DNAJB1: variants seen among roughly 807,000 people sequenced by gnomAD.
The protein encoded by DNAJB1 is DnaJ heat shock protein family (Hsp40) member B1.
In DNAJB1, 14 loss-of-function variants were observed where a neutral mutation model predicts 24.0. The ratio of observed to expected loss-of-function variants is 0.58; its 90% CI spans 0.39 to 0.91. DNAJB1 has a LOEUF of 0.91. DNAJB1 is among the 40% of genes least tolerant of loss of function. DNAJB1 has a pLI of 0.00. For synonymous variants in DNAJB1, 262 were observed against 174.4 expected (o/e 1.50, Z -3.96); for missense variants, 517 against 458.1 (o/e 1.13, Z -1.17).
chr19:14,529,300 C>A (rs1157636327), exon 1 of DNAJB1: 2 of 388,728 alleles, frequency 5.1e-6, no homozygotes, highest in Non-Finnish European at 9.8e-6. Context: ...TCTGGCCTAA[C>A]CGTCGCTTAC....
At chr19:14,553,196 G>A (rs1358467239), upstream of DNAJB1, among the ~76,000 whole-genome samples, 4 of 152,124 alleles carry the variant, frequency 2.6e-5, no homozygotes, top group Non-Finnish European at 5.9e-5. Flanking sequence ...TGCTCGCTCG[G>A]GGCTCTGCTG....
upstream of DNAJB1, among the ~76,000 whole-genome samples, chr19:14,551,491 T>C (rs1301854160): frequency 6.6e-6 from 1 of 152,102 alleles, no homozygotes; most frequent in African/African-American, 2.4e-5. Flanking sequence ...CATTTACTAG[T>C]TGGAGAAGCA....
In DNAJB1 at chr19:14,549,942, C is replaced by CA. The variant is rs908988580; in HGVS notation, c.-214+265dup. ...TGGGCAACACAGTGAGACTCTGTCT[C>CA]AAAAAAAAAAATAAAAAAAATAAAC... On this transcript the variant is annotated intron_variant, in intron 1 of 3. Coordinates refer to the DNAJB1 transcript ENST00000676982. Among the ~76,000 whole-genome samples, 132 of 144,428 alleles carry CA rather than the reference C, an allele frequency of 9.1e-4. 1 individual carries two copies. Among genetic ancestry groups the CA allele is most frequent in the African/African-American group, 1.5e-3 (59 of 39,242 alleles). The allele number at this position is 144,428 out of a possible 152,430, so 94.8% of individuals were successfully genotyped here.
Position 14,517,980 on chromosome 19 carries a change from C to G in DNAJB1, c.211+159G>C, listed in dbSNP as rs2072304281. ...AAGGCTCCTCCTCCCACCGCGCGGC[C>G]GCCAATCCGAGGGCGGAGGCCCGCG... On this transcript the variant is annotated intron_variant, in intron 1 of 2. Transcript: ENST00000254322. 1.1e-5 allele frequency: 8 copies of G among 752,436 alleles called. 1 individual carries two copies. The South Asian group carries it at 2.3e-4, about 22-fold the overall frequency. 46.6% of individuals were successfully genotyped at this position (752,436 alleles called of 1,614,324 possible). A position where few individuals can be genotyped will look rare whatever the true frequency, so the allele number is the denominator to read the frequency against.
At chr19:14,559,331 C>T (rs2073837407) in intron 1 of DNAJB1, among the ~76,000 whole-genome samples, 1 of 152,064 alleles carries the variant, frequency 6.6e-6, no homozygotes, top group Admixed American at 6.6e-5. Context: ...GCAGCAGCCA[C>T]TCCCCATTCC....
Position 14,516,700 on chromosome 19 carries a change from G to A in DNAJB1, c.558C>T (p.Ser186=), listed in dbSNP as rs764358261. 6.2e-7 allele frequency: 1 copy of A among 1,614,138 alleles called. No homozygotes were observed. Among genetic ancestry groups the A allele is most frequent in the East Asian group, 2.2e-5 (1 of 44,888 alleles). ...YSGCTKKMKI[S]HKRLNPDGKS... ...TTCCGTCGGGGTTTAGCCGCTTGTG[G>A]GAGATTTTCATCTTCTTGGTACAGC... The change falls in exon 2 of 3, where the codon TCC becomes TCT. Residue 186 remains serine, a synonymous_variant. Coordinates refer to ENST00000254322, the MANE Select transcript of DNAJB1 (RefSeq NM_006145.3).
intron 1 of DNAJB1, among the ~76,000 whole-genome samples, chr19:14,537,785 C>T (rs1009104399): frequency 7.3e-6 from 1 of 136,232 alleles, no homozygotes; most frequent in Non-Finnish European, 1.5e-5. Context: ...TCGCTCTTGT[C>T]CCCTAGGCTG....
intron 1 of DNAJB1, among the ~76,000 whole-genome samples, chr19:14,542,326 A>G (rs1184020997): frequency 7.9e-6 from 1 of 126,372 alleles, no homozygotes; most frequent in Non-Finnish European, 1.6e-5. Flanking sequence ...TTAAGTCCTC[A>G]GGGGGCCCTC....
At chr19:14,523,714 T>C (rs1314315510) in intron 2 of DNAJB1, among the ~76,000 whole-genome samples, 3 of 150,580 alleles carry the variant, frequency 2.0e-5, no homozygotes, top group African/African-American at 7.4e-5. Flanking sequence ...ACCTCCCAGG[T>C]TCAAATGATC....
intron 1 of DNAJB1, among the ~76,000 whole-genome samples, chr19:14,547,779 T>C (rs77300784): frequency 0.19 from 28,924 of 151,564 alleles, 3,266 homozygotes; most frequent in South Asian, 0.4. Context: ...TTGCCTTAGC[T>C]TCCTGATTAT....
At chr19:14,535,432 G>GGGA (rs2072827376) in intron 1 of DNAJB1, among the ~76,000 whole-genome samples, 1 of 137,926 alleles carries the variant, frequency 7.3e-6, no homozygotes, top group African/African-American at 2.7e-5. Flanking sequence ...GGCTTGACCC[G>GGGA]GGAGGCGGAG....
chr19:14,555,499 G>T (rs1318312770), intron 1 of DNAJB1, among the ~76,000 whole-genome samples: 1 of 139,446 alleles, frequency 7.2e-6, no homozygotes, highest in East Asian at 2.1e-4. Context: ...AGGCTGGAGT[G>T]CAGTGGTGCA....
At chr19:14,540,647 C>G (rs1010902433) in intron 1 of DNAJB1, among the ~76,000 whole-genome samples, 2 of 152,132 alleles carry the variant, frequency 1.3e-5, no homozygotes. Flanking sequence ...CTGCCTGGGC[C>G]TCCCAAAGTG....
chr19:14,521,491 A>ATAATAAT, upstream of DNAJB1, among the ~76,000 whole-genome samples: 1 of 150,598 alleles, frequency 6.6e-6, no homozygotes. Flanking sequence ...AATAATAATA[A>ATAATAAT]AAGTTTCTTG....
intron 1 of DNAJB1, chr19:14,517,413 C>A (rs769473546): frequency 3.4e-5 from 7 of 203,528 alleles, no homozygotes; most frequent in African/African-American, 7.0e-5. Flanking sequence ...CGTTTTAGGG[C>A]TAATGGTGCG....
At chr19:14,518,596 C>T (rs1459214672), upstream of DNAJB1, among the ~76,000 whole-genome samples, 1 of 152,050 alleles carries the variant, frequency 6.6e-6, no homozygotes, top group South Asian at 2.1e-4. Flanking sequence ...TCCCGCTCCG[C>T]CCTCGGCAAC....
chr19:14,518,220 T>C lies in DNAJB1; in HGVS notation c.130A>G (p.Lys44Glu). The C allele has an allele frequency of 1.2e-6, 2 of 1,610,106 alleles. No individual in the cohort carries two copies. Among genetic ancestry groups the C allele is most frequent in the African/African-American group, 1.3e-5 (1 of 74,678 alleles). ...TAGGCCTCAGCGATCTCCTTGAACTTCTCCTCGGCGCCGGGCTCCTTGTTC... is the reference window on the plus strand; with the variant it reads ...TAGGCCTCAGCGATCTCCTTGAACTCCTCCTCGGCGCCGGGCTCCTTGTTC... ...DKNKEPGAEEKFKEIAEAYDV... is the reference protein window; with the variant it reads ...DKNKEPGAEEEFKEIAEAYDV... Residue 44 changes from lysine to glutamate, a missense_variant, in exon 1 of 3, where the codon AAG becomes GAG. Physicochemically the swap from Lys to Glu is moderately conservative, Grantham distance 56. Transcript: ENST00000254322.
At chr19:14,516,429 T>A in intron 2 of DNAJB1, 37 bp downstream of exon 2, 1 of 1,586,908 alleles carries the variant, frequency 6.3e-7, no homozygotes, top group East Asian at 2.2e-5. Context: ...AAAGCAGCCA[T>A]CGCCCTCTAC....
upstream of DNAJB1, among the ~76,000 whole-genome samples, chr19:14,519,330 T>TCC (rs2072336070): frequency 6.6e-6 from 1 of 152,138 alleles, no homozygotes; most frequent in Non-Finnish European, 1.5e-5. Flanking sequence ...GATCCGGCCG[T>TCC]TGCACTCCAG....
Sources: allele counts gnomAD v4.1 joint callset (sites outside exome capture counted in the v4.1 genomes callset), GRCh38; gene constraint gnomAD v4.1.1; transcripts MANE v1.5; gene names NCBI Gene and HGNC (gene_info 2026-07-23, HGNC 2026-07-21).